ROBO2: variants seen among roughly 807,000 people sequenced by gnomAD.
ROBO2 encodes the protein roundabout guidance receptor 2, also known as roundabout homolog 2.
Under a neutral mutation model 160.8 loss-of-function variants are expected in ROBO2, and 53 were observed. The ratio of observed to expected loss-of-function variants is 0.33; its 90% CI spans 0.26 to 0.41. The LOEUF (loss-of-function observed/expected upper bound fraction) is 0.41. ROBO2 is among the 10% of genes least tolerant of loss of function. ROBO2 has a pLI of 1.00. For missense variants in ROBO2, 1,577 were observed against 1,722.4 expected (o/e 0.92, Z 1.49); for synonymous variants, 664 against 611.7 (o/e 1.09, Z -1.26).
intron 2 of ROBO2, among the ~76,000 whole-genome samples, chr3:76,106,378 T>C (rs1269370102): frequency 6.6e-6 from 1 of 152,160 alleles, no homozygotes; most frequent in Non-Finnish European, 1.5e-5. Flanking sequence ...ACATATAGGT[T>C]GATAAACGCA....
chr3:76,467,844 A>G (rs1472150846), intron 2 of ROBO2, among the ~76,000 whole-genome samples: 1 of 152,130 alleles, frequency 6.6e-6, no homozygotes, highest in African/African-American at 2.4e-5. Flanking sequence ...AAGCAATAGC[A>G]TGTTGCATTT....
In ROBO2 at chr3:77,253,101, C is replaced by T. The variant is rs1290649675; in HGVS notation, c.388+154761C>T. Among the ~76,000 whole-genome samples, 3 of 151,854 alleles carry T rather than the reference C, an allele frequency of 2.0e-5. No individual in the cohort carries two copies. In the East Asian group the frequency reaches 5.8e-4, roughly 29 times the overall value. ...TGAGACACCACAGGGTAAGGGTTCT[C>T]AGCTAGCATGTCTCGTGTTACTTCA... On this transcript the variant is annotated intron_variant, in intron 2 of 25. Transcript: ENST00000461745.
intron 2 of ROBO2, among the ~76,000 whole-genome samples, chr3:77,469,071 A>G (rs1410695163): frequency 6.6e-6 from 1 of 152,210 alleles, no homozygotes; most frequent in Non-Finnish European, 1.5e-5. Flanking sequence ...GTAATAAAGT[A>G]GTTTCTTGTG....
chr3:77,177,537 T>A (rs976831197), intron 2 of ROBO2, among the ~76,000 whole-genome samples: 2 of 151,954 alleles, frequency 1.3e-5, no homozygotes, highest in Non-Finnish European at 2.9e-5. Flanking sequence ...GTAATATAAA[T>A]GCTATGTAAC....
intron 2 of ROBO2, among the ~76,000 whole-genome samples, chr3:76,879,493 T>C (rs1409270566): frequency 1.3e-5 from 2 of 151,914 alleles, no homozygotes; most frequent in African/African-American, 2.4e-5. Flanking sequence ...AAAAATAATA[T>C]GAAGAAGAAA....
intron 2 of ROBO2, among the ~76,000 whole-genome samples, chr3:77,100,386 C>G (rs748416184): frequency 2.2e-4 from 33 of 152,042 alleles, no homozygotes; most frequent in Non-Finnish European, 4.7e-4. Flanking sequence ...TCATCTCTTT[C>G]CATTCGCTCA....
intron 2 of ROBO2, among the ~76,000 whole-genome samples, chr3:76,320,636 T>G (rs1228915512): frequency 1.3e-5 from 2 of 152,218 alleles, no homozygotes; most frequent in East Asian, 3.9e-4. Flanking sequence ...ATCAGAAATG[T>G]CACAGAAGTA....
chr3:76,667,587 A>C (rs1289537833), intron 2 of ROBO2, among the ~76,000 whole-genome samples: 4 of 152,088 alleles, frequency 2.6e-5, no homozygotes, highest in African/African-American at 7.2e-5. Flanking sequence ...AAACAACATT[A>C]ATTTGACATA....
intron 2 of ROBO2, among the ~76,000 whole-genome samples, chr3:76,679,354 T>C (rs560031116): frequency 1.3e-5 from 2 of 152,260 alleles, no homozygotes; most frequent in African/African-American, 4.8e-5. Context: ...TTAATCAATG[T>C]TTATATTTTG....
chr3:77,574,571 T>C lies in ROBO2; in HGVS notation c.2044T>C (p.Ser682Pro), dbSNP rs1312685448. The C allele has an allele frequency of 4.3e-6, 7 of 1,613,362 alleles. No homozygotes were observed. The highest frequency in any genetic ancestry group is 5.9e-6 in the Non-Finnish European group (7 of 1,179,620). Residue 682 changes from serine to proline, a missense_variant, in exon 14 of 26, where the codon TCT becomes CCT. Physicochemically the swap from Ser to Pro is moderately conservative, Grantham distance 74. Transcript: ENST00000461745. ...TCAGACTTCAGGTCTGCAGGCGACA[T>C]CTTCGTGGCAGAATTTAGATGCCAA...
In ROBO2 at chr3:77,576,854, AAAG is replaced by A. The variant is rs1444808736; in HGVS notation, c.2204-632_2204-630del. Among the ~76,000 whole-genome samples, 3 of 152,176 alleles carry A rather than the reference AAAG, an allele frequency of 2.0e-5. No individual in the cohort carries two copies. The East Asian group carries it at 5.8e-4, about 29-fold the overall frequency. On this transcript the variant is annotated intron_variant, in intron 14 of 25. Coordinates refer to ENST00000461745, the Ensembl canonical transcript of ROBO2. ...ATTATTTTTCCCAGTATGGGAAGAAAAAGAAGTTTTTTCTGTGTTGATGACATT... is the reference window on the plus strand; with the variant it reads ...ATTATTTTTCCCAGTATGGGAAGAAAAAGTTTTTTCTGTGTTGATGACATT...
chr3:76,214,621 G>T (rs1318410692), intron 2 of ROBO2, among the ~76,000 whole-genome samples: 2 of 152,190 alleles, frequency 1.3e-5, no homozygotes, highest in African/African-American at 4.8e-5. Flanking sequence ...GGGGAAGGGC[G>T]TCCGCCATTG....
chr3:77,552,559 G>A (rs1425354987), intron 8 of ROBO2, among the ~76,000 whole-genome samples: 2 of 152,004 alleles, frequency 1.3e-5, no homozygotes, highest in Non-Finnish European at 2.9e-5. Context: ...TCTTTCTGTG[G>A]TCAAAAATAA....
At chr3:75,974,262 A>G (rs1214547129) in intron 2 of ROBO2, among the ~76,000 whole-genome samples, 1 of 151,670 alleles carries the variant, frequency 6.6e-6, no homozygotes, top group Admixed American at 6.6e-5. Flanking sequence ...TAGATGTAAA[A>G]TATAGTAGGC....
rs76801285 is a variant in ROBO2 at position 76,406,144 on chromosome 3, A to T, written c.109+468542A>T. ...TTGTATGAATATTTTACATCAAAAC[A>T]CTTAGAATATTTCAGAATACAGCAT... On this transcript the variant is annotated intron_variant, in intron 2 of 26. Transcript: ENST00000487694. 6.0e-3 allele frequency among the ~76,000 whole-genome samples: 906 copies of T among 151,902 alleles called. 9 individuals carry two copies. Among genetic ancestry groups the T allele is most frequent in the African/African-American group, 0.018 (731 of 41,492 alleles).
intron 24 of ROBO2, among the ~76,000 whole-genome samples, chr3:77,640,322 C>G (rs1158619897): frequency 6.6e-6 from 1 of 152,048 alleles, no homozygotes; most frequent in East Asian, 1.9e-4. Context: ...ACTGTGTTAG[C>G]CAGGATGGTC....
At chr3:77,119,423 AC>A (rs1346470813) in intron 2 of ROBO2, among the ~76,000 whole-genome samples, 1 of 152,206 alleles carries the variant, frequency 6.6e-6, no homozygotes, top group African/African-American at 2.4e-5. Flanking sequence ...AAACATCATT[AC>A]ATGGTGTATG....
chr3:77,059,922 A>G (rs976073199), intron 1 of ROBO2, among the ~76,000 whole-genome samples: 3 of 152,070 alleles, frequency 2.0e-5, no homozygotes. Context: ...GAGACCCTTC[A>G]GAGTATATAC....
In ROBO2 at chr3:77,243,065, T is replaced by G. The variant is rs144928665; in HGVS notation, c.388+144725T>G. On this transcript the variant is annotated intron_variant, in intron 2 of 25. Transcript: ENST00000461745. The stretch of plus-strand genomic sequence containing the variant: ...GAAAATAAATATCTTCTCCAACCTA[T>G]CTTAGCCAACTTTCTGATCTAGGAT... Among the ~76,000 whole-genome samples, 246 of 151,692 alleles carry G rather than the reference T, an allele frequency of 1.6e-3. 2 individuals are homozygous for G. The highest frequency in any genetic ancestry group is 5.6e-3 in the African/African-American group (232 of 41,356).
Sources: allele counts gnomAD v4.1 joint callset (sites outside exome capture counted in the v4.1 genomes callset), GRCh38; gene constraint gnomAD v4.1.1; transcripts MANE v1.5; gene names NCBI Gene and HGNC (gene_info 2026-07-23, HGNC 2026-07-21).